The following PHKA1 variants were observed in gnomAD, a reference collection of about 807,000 sequenced individuals.
PHKA1 encodes the protein phosphorylase kinase regulatory subunit alpha 1.
In PHKA1, 60 loss-of-function variants were observed where a neutral mutation model predicts 110.2. That is an observed-to-expected ratio of 0.54 (90% CI 0.44 to 0.68). The LOEUF is 0.68. Among genes scored for constraint, PHKA1 ranks in the 30% least tolerant of loss-of-function variants. The pLI, the probability that PHKA1 is intolerant of heterozygous loss-of-function variation, is 0.00. For synonymous variants in PHKA1, 316 were observed against 333.6 expected (o/e 0.95, Z 0.58); for missense variants, 801 against 942.5 (o/e 0.85, Z 1.97).
In PHKA1 at chrX:72,587,529, C is replaced by T. The variant is rs1027348931; in HGVS notation, c.3244-3227G>A. 3.6e-5 allele frequency among the ~76,000 whole-genome samples: 4 copies of T among 111,563 alleles called. No individual in the cohort carries two copies. The South Asian group carries it at 1.1e-3, about 32-fold the overall frequency. ...GCTAAGAAGAAACTGCATCAACTAA[C>T]GAGCAAAATCACTAGCTAACATCGT... On this transcript the variant is annotated intron_variant, in intron 29 of 31. Transcript: ENST00000373542.
chrX:72,668,254 A>G, intron 6 of PHKA1, among the ~76,000 whole-genome samples: 1 of 112,207 alleles, frequency 8.9e-6, no homozygotes, highest in Non-Finnish European at 1.9e-5. Flanking sequence ...TAGGCTCTCA[A>G]TAATGACTGT....
intron 5 of PHKA1, among the ~76,000 whole-genome samples, chrX:72,680,402 AAAC>A (rs782399291): frequency 1.8e-5 from 2 of 112,988 alleles, no homozygotes; most frequent in African/African-American, 6.4e-5. Flanking sequence ...TTGTCATCAG[AAAC>A]AATACAGGCA....
At chrX:72,634,283 A>C (rs2053202059) in intron 16 of PHKA1, among the ~76,000 whole-genome samples, 1 of 111,982 alleles carries the variant, frequency 8.9e-6, no homozygotes, top group South Asian at 3.7e-4. Flanking sequence ...CAAAGAGAAG[A>C]AAGACTACCC....
intron 17 of PHKA1, among the ~76,000 whole-genome samples, chrX:72,625,580 G>A (rs1455257112): frequency 2.7e-5 from 3 of 111,548 alleles, no homozygotes; most frequent in African/African-American, 9.8e-5. Flanking sequence ...ATGAACATAT[G>A]CATGTGTCTC....
chrX:72,578,894 T>C lies in PHKA1; in HGVS notation c.*2108A>G, dbSNP rs1429887173. ...TTCTATTTTCAAAACATAAGTGCTT[T>C]TTTAAAAAAAGTCTAACATGTCTTT... On this transcript the variant is annotated 3_prime_UTR_variant, in exon 32 of 32. Transcript: ENST00000373542. 1 of 112,030 alleles carries C rather than the reference T, an allele frequency of 8.9e-6. No homozygotes were observed. The highest frequency in any genetic ancestry group is 9.5e-5 in the Admixed American group (1 of 10,569). The allele number at this position is 112,030 out of a possible 1,213,427, so 9.2% of individuals were successfully genotyped here.
chrX:72,674,754 C>G (rs2053755698), intron 6 of PHKA1, among the ~76,000 whole-genome samples: 1 of 111,672 alleles, frequency 9.0e-6, no homozygotes, highest in Non-Finnish European at 1.9e-5. Context: ...AAAGCATTAT[C>G]TAGAATGTTA....
At position 72,682,582 on chromosome X, in the gene PHKA1, A is replaced by G. The variant is rs1249415112; in HGVS notation, c.537+1916T>C. ...ACTTTTCATTTTGTTCTGCACTAAG[A>G]AAAATTCCTCTGCCTTGGGATCCTG... On this transcript the variant is annotated intron_variant, in intron 5 of 31. Transcript: ENST00000373542. Among the ~76,000 whole-genome samples, 12 of 107,608 alleles carry G rather than the reference A, an allele frequency of 1.1e-4. No individual in the cohort carries two copies. In the East Asian group the frequency reaches 3.4e-3, roughly 30 times the overall value. 93.4% of individuals were successfully genotyped at this position (107,608 alleles called of 115,157 possible). A position where few individuals can be genotyped will look rare whatever the true frequency, so the allele number is the denominator to read the frequency against.
chrX:72,707,630 CGTG>C (rs1189853291), intron 2 of PHKA1, among the ~76,000 whole-genome samples: 1 of 93,633 alleles, frequency 1.1e-5, no homozygotes, highest in Non-Finnish European at 2.1e-5. Context: ...ATCAAAAAAT[CGTG>C]TGTGTGTGTG....
chrX:72,699,466 G>A (rs1478966168), intron 3 of PHKA1, among the ~76,000 whole-genome samples: 1 of 85,262 alleles, frequency 1.2e-5, no homozygotes, highest in Non-Finnish European at 2.1e-5. Context: ...CCGAGATCGC[G>A]CCACTGCACT....
chrX:72,708,208 T>A (rs782558843), intron 2 of PHKA1, among the ~76,000 whole-genome samples: 15 of 111,961 alleles, frequency 1.3e-4, no homozygotes, highest in Non-Finnish European at 2.4e-4. Flanking sequence ...TCCAGCTTCA[T>A]CTCTGGGCCT....
rs782372595 is a variant in PHKA1, at chrX:72,676,083, A to G, written c.605T>C (p.Val202Ala). 8.3e-7 allele frequency: 1 copy of G among 1,206,736 alleles called. No individual in the cohort carries two copies. The highest frequency in any genetic ancestry group is 1.7e-5 in the African/African-American group (1 of 57,635). The change falls in exon 6 of 32, where the codon GTT (valine) becomes GCT (alanine). Residue 202 changes from valine (V) to alanine (A), a missense_variant. Val to Ala is a moderately conservative substitution (Grantham distance 64). Transcript: ENST00000373542. ...AAGGAAAATTACCTTTGCCATTCCA[A>G]CTGAACTGGCATTCAACTCTGAGAT... Reference protein sequence around the residue: ...QGISELNASSVGMAKAALEAL... With the variant: ...QGISELNASSAGMAKAALEAL...
chrX:72,674,344 A>T (rs2053748944), intron 6 of PHKA1, among the ~76,000 whole-genome samples: 1 of 110,014 alleles, frequency 9.1e-6, no homozygotes, highest in Admixed American at 9.7e-5. Context: ...GCTGGGTCAA[A>T]TGGTATTTCT....
Position 72,667,571 on chromosome X carries a change from C to T in PHKA1, c.619-98G>A, listed in dbSNP as rs1409379327. The T allele has an allele frequency of 1.1e-4, 64 of 598,167 alleles. 1 individual carries two copies. The Middle Eastern group carries it at 1.2e-3, about 11-fold the overall frequency. The allele number at this position is 598,167 out of a possible 1,213,427, so 49.3% of individuals were successfully genotyped here. On this transcript the variant is annotated intron_variant, in intron 6 of 31. Coordinates refer to ENST00000373542, the MANE Select transcript of PHKA1 (RefSeq NM_002637.4). ...TATCTTATCAACACACATGATGTCACTTTTGAATATGTCTGACAGAATATA... is the reference window on the plus strand; with the variant it reads ...TATCTTATCAACACACATGATGTCATTTTTGAATATGTCTGACAGAATATA...
chrX:72,699,505 C>G (rs1556328712), intron 3 of PHKA1, among the ~76,000 whole-genome samples: 1 of 46,536 alleles, frequency 2.1e-5, no homozygotes, highest in African/African-American at 9.4e-5. Flanking sequence ...AAGACTCCAT[C>G]TCAAAAAAAA....
At chrX:72,612,601 C>T (rs1383400101) in intron 21 of PHKA1, among the ~76,000 whole-genome samples, 3 of 111,671 alleles carry the variant, frequency 2.7e-5, no homozygotes, top group African/African-American at 9.8e-5. Context: ...AAATGTTCAT[C>T]AATAAGAGGC....
In PHKA1 at chrX:72,581,134, G is replaced by A. The variant is rs782121327; in HGVS notation, c.3540C>T (p.Pro1180=). 3.3e-6 allele frequency: 4 copies of A among 1,198,211 alleles called. No individual in the cohort carries two copies. Among genetic ancestry groups the A allele is most frequent in the East Asian group, 3.0e-5 (1 of 33,699 alleles). The change falls in exon 32 of 32, where the codon CCC becomes CCT. Residue 1180 remains proline, a synonymous_variant. Coordinates refer to ENST00000373542, the MANE Select transcript of PHKA1 (RefSeq NM_002637.4). ...ACAGAAGAGTACAGATGCCAGATGC[G>A]GGATCCTTTGCCAACATGGTATCAT... ...GADDTMLAKD[P]ASGICTLLYD...
Position 72,657,659 on chromosome X carries a change from A to G in PHKA1, c.865-18T>C. The stretch of plus-strand genomic sequence containing the variant: ...TAACGACCCTGGGAATACAAAGAAA[A>G]AAGGTCAGCAGCTTGTACACTGGTA... On this transcript the variant is annotated intron_variant, in intron 8 of 31. Coordinates refer to ENST00000373542, the MANE Select transcript of PHKA1 (RefSeq NM_002637.4). 1 of 1,187,918 alleles carries G rather than the reference A, an allele frequency of 8.4e-7. No individual in the cohort carries two copies. The highest frequency in any genetic ancestry group is 1.1e-6 in the Non-Finnish European group (1 of 873,887).
At chrX:72,617,557 C>T (rs1229255473) in intron 21 of PHKA1, among the ~76,000 whole-genome samples, 1 of 110,899 alleles carries the variant, frequency 9.0e-6, no homozygotes, top group East Asian at 2.8e-4. Context: ...ACTGATACCA[C>T]AGAAATTAAA....
chrX:72,658,810 T>A (rs1403313193), intron 8 of PHKA1, among the ~76,000 whole-genome samples: 2 of 112,432 alleles, frequency 1.8e-5, no homozygotes, highest in Non-Finnish European at 3.8e-5. Context: ...GAGTACATGA[T>A]GTCAATGTGT....
Sources: gnomAD v4.1 joint callset for allele counts (sites outside exome capture counted in the v4.1 genomes callset) on GRCh38, gnomAD v4.1.1 for gene constraint, MANE v1.5 for transcripts, NCBI Gene and HGNC (gene_info 2026-07-23, HGNC 2026-07-21) for gene names.